PCNX2: variants seen among roughly 807,000 people sequenced by gnomAD.
PCNX2 encodes the protein pecanex-like protein 2.
Under a neutral mutation model 223.8 loss-of-function variants are expected in PCNX2, and 168 were observed. The ratio of observed to expected loss-of-function variants is 0.75; its 90% CI spans 0.66 to 0.85. PCNX2 has a LOEUF of 0.85. Ranked by LOEUF, PCNX2 falls within the 40% of genes least tolerant of loss-of-function variation. The pLI, the probability that PCNX2 is intolerant of heterozygous loss-of-function variation, is 0.00. For missense variants in PCNX2, 2,507 were observed against 2,675.5 expected (o/e 0.94, Z 1.39); for synonymous variants, 1,006 against 1,052.6 (o/e 0.96, Z 0.86).
At chr1:233,323,351 T>C in the PCNX2 span, among the ~76,000 whole-genome samples, 2 of 152,256 alleles carry the variant, frequency 1.3e-5, no homozygotes, top group East Asian at 1.9e-4. Context: ...TCAAGTCCCA[T>C]ATGTAAACTG....
chr1:233,090,304 C>CA, intron 22 of PCNX2, 114 bp from the exon 23 acceptor site: 1 of 1,210,336 alleles, frequency 8.3e-7, no homozygotes, highest in Non-Finnish European at 1.2e-6. Flanking sequence ...AAAGAAAGAA[C>CA]AAAGAACACA....
intron 23 of PCNX2, chr1:233,058,354 A>G (rs1672265720): frequency 6.6e-6 from 1 of 152,276 alleles, no homozygotes; most frequent in African/African-American, 2.4e-5. Flanking sequence ...GCTCTCTTGG[A>G]GAGGCTATGC....
intron 19 of PCNX2, among the ~76,000 whole-genome samples, chr1:233,149,429 C>T (rs1294576634): frequency 1.3e-5 from 2 of 151,596 alleles, no homozygotes; most frequent in Non-Finnish European, 2.9e-5. Flanking sequence ...TAGAGGGCTT[C>T]CTGCTATATA....
chr1:233,087,375 G>A (rs576275930), intron 23 of PCNX2, among the ~76,000 whole-genome samples: 4 of 152,238 alleles, frequency 2.6e-5, no homozygotes, highest in East Asian at 1.9e-4. Context: ...AGCTCCAGAC[G>A]AGAATGTCTT....
chr1:233,311,809 A>G, the PCNX2 span, among the ~76,000 whole-genome samples: 1 of 152,236 alleles, frequency 6.6e-6, no homozygotes, highest in Non-Finnish European at 1.5e-5. Flanking sequence ...TAGAAAATAC[A>G]AAAACAAATA....
chr1:233,039,470 TAAA>T (rs1454979683), intron 25 of PCNX2, among the ~76,000 whole-genome samples: 1 of 152,200 alleles, frequency 6.6e-6, no homozygotes, highest in African/African-American at 2.4e-5. Context: ...ATAATATAAG[TAAA>T]GAAACTAATA....
intron 10 of PCNX2, among the ~76,000 whole-genome samples, chr1:233,221,191 A>AT (rs71173258): frequency 6.6e-6 from 1 of 150,748 alleles, no homozygotes; most frequent in Non-Finnish European, 1.5e-5. Context: ...CTCAAGTTGA[A>AT]TTTTTTTTTT....
the PCNX2 span, among the ~76,000 whole-genome samples, chr1:233,310,646 T>C: frequency 6.6e-6 from 1 of 152,152 alleles, no homozygotes; most frequent in African/African-American, 2.4e-5. Context: ...GTAAAGTTGC[T>C]GTGAGGTGTC....
the PCNX2 span, among the ~76,000 whole-genome samples, chr1:233,301,838 C>T: frequency 1.4e-5 from 2 of 140,890 alleles, no homozygotes; most frequent in Non-Finnish European, 3.0e-5. Flanking sequence ...GCCGCCCAAG[C>T]CAGAATGCAG....
Position 233,119,438 on chromosome 1 carries a change from T to G in PCNX2, c.3837+15575A>C, listed in dbSNP as rs1267386115. Among the ~76,000 whole-genome samples, 12 of 99,370 alleles carry G rather than the reference T, an allele frequency of 1.2e-4. No homozygotes were observed. The South Asian group carries it at 4.0e-3, about 33-fold the overall frequency. The allele number at this position is 99,370 out of a possible 152,430, so 65.2% of individuals were successfully genotyped here. On this transcript the variant is annotated intron_variant, in intron 21 of 33. Coordinates refer to ENST00000258229, the MANE Select transcript of PCNX2 (RefSeq NM_014801.4). ...AAAAAAAAAAAAAAAAAAAAAAAAT[T>G]GCCGGGCGTGGTGGTGGGCGCCTGT...
At chr1:233,280,144 G>A (rs1661115626) in intron 1 of PCNX2, among the ~76,000 whole-genome samples, 1 of 151,952 alleles carries the variant, frequency 6.6e-6, no homozygotes, top group Admixed American at 6.6e-5. Flanking sequence ...CTCCACTGTA[G>A]GACGTACCTT....
intron 15 of PCNX2, among the ~76,000 whole-genome samples, chr1:233,196,274 C>T (rs1056751077): frequency 6.6e-6 from 1 of 151,760 alleles, no homozygotes; most frequent in African/African-American, 2.4e-5. Context: ...AACTATAAAA[C>T]TTGTAGTACA....
chr1:233,031,657 C>G (rs775517059), intron 25 of PCNX2: 37 of 749,294 alleles, frequency 4.9e-5, no homozygotes, highest in Non-Finnish European at 5.9e-5. Context: ...GAGTCCAGGT[C>G]AGGAAGGGGA....
intron 19 of PCNX2, among the ~76,000 whole-genome samples, chr1:233,141,872 G>C (rs894972605): frequency 6.6e-6 from 1 of 151,854 alleles, no homozygotes; most frequent in Non-Finnish European, 1.5e-5. Context: ...GGAATGGTGA[G>C]AATAGACAGC....
In PCNX2 at chr1:233,250,210, G is replaced by A. The variant is rs533856995; in HGVS notation, c.2222+529C>T. Among the ~76,000 whole-genome samples the A allele has an allele frequency of 2.0e-5, 3 of 152,300 alleles. No individual in the cohort carries two copies. In the South Asian group the frequency reaches 6.2e-4, roughly 32 times the overall value. On this transcript the variant is annotated intron_variant, in intron 8 of 33. Transcript: ENST00000258229. ...TGACAAGACGTACAGTTTTCCCAAC[G>A]CACTATTAATCATCGTATGTCCCAG...
intron 19 of PCNX2, among the ~76,000 whole-genome samples, chr1:233,156,473 T>C (rs74868189): frequency 0.059 from 8,960 of 152,202 alleles, 498 homozygotes; most frequent in East Asian, 0.31. Flanking sequence ...CCGTGAGCAC[T>C]GGAGGAGGAG....
chr1:233,295,637 G>A lies in PCNX2; in HGVS notation c.-159C>T. 1 of 784,770 alleles carries A rather than the reference G, an allele frequency of 1.3e-6. No individual in the cohort carries two copies. The highest frequency in any genetic ancestry group is 3.7e-5 in the East Asian group (1 of 27,024). The allele number at this position is 784,770 out of a possible 1,614,324, so 48.6% of individuals were successfully genotyped here. A position where few individuals can be genotyped will look rare whatever the true frequency, so the allele number is the denominator to read the frequency against. On this transcript the variant is annotated 5_prime_UTR_variant, in exon 1 of 34. Coordinates refer to ENST00000258229, the MANE Select transcript of PCNX2 (RefSeq NM_014801.4). This position sits in a 1 kb window ranked among gnomAD's most constrained non-coding sequence, Gnocchi z 4.1. Reference sequence around the variant, plus strand: ...CGCCTCCTTCCACCCCACGTTTGAAGCTGGAGCTGCTCTTCCGCCCGGACC... The same window carrying A: ...CGCCTCCTTCCACCCCACGTTTGAAACTGGAGCTGCTCTTCCGCCCGGACC...
chr1:232,989,237 G>A (rs1331809210), intron 32 of PCNX2, among the ~76,000 whole-genome samples: 5 of 152,272 alleles, frequency 3.3e-5, no homozygotes, highest in South Asian at 2.1e-4. Flanking sequence ...GGCAGATCAC[G>A]AGGTCAGGAG....
intron 28 of PCNX2, among the ~76,000 whole-genome samples, chr1:233,002,652 A>C (rs552070593): frequency 4.6e-5 from 7 of 152,306 alleles, no homozygotes; most frequent in African/African-American, 1.7e-4. Context: ...TTAGAAAAAA[A>C]TATTTTAATT....
Sources: gnomAD v4.1 joint callset for allele counts (sites outside exome capture counted in the v4.1 genomes callset) on GRCh38, gnomAD v4.1.1 for gene constraint, Gnocchi (gnomAD v3.1) non-coding constraint, MANE v1.5 for transcripts, NCBI Gene and HGNC (gene_info 2026-07-23, HGNC 2026-07-21) for gene names.